The following PEX5L variants were observed in gnomAD, a reference collection of about 807,000 sequenced individuals.
PEX5L encodes peroxisomal biogenesis factor 5 like.
PEX5L carries 30 observed loss-of-function variants against 84.0 expected under a neutral mutation model. The ratio of observed to expected loss-of-function variants is 0.36; its 90% CI spans 0.27 to 0.48. The LOEUF is 0.48. Among genes scored for constraint, PEX5L ranks in the 20% least tolerant of loss-of-function variants. The pLI is 0.99. For synonymous variants in PEX5L, 270 were observed against 283.1 expected, an observed-to-expected ratio of 0.95 and a Z score of 0.46; for missense variants, 533 against 754.6, an observed-to-expected ratio of 0.71 and a Z score of 3.44.
chr3:180,007,859 G>C (rs892836940), intron 1 of PEX5L, among the ~76,000 whole-genome samples: 1 of 152,240 alleles, frequency 6.6e-6, no homozygotes, highest in African/African-American at 2.4e-5. Flanking sequence ...GGGACCCTGG[G>C]CCTGGCCCAT....
intron 2 of PEX5L, among the ~76,000 whole-genome samples, chr3:179,962,784 T>C (rs1468138252): frequency 6.6e-6 from 1 of 152,210 alleles, no homozygotes; most frequent in African/African-American, 2.4e-5. Flanking sequence ...TAATTTTAAG[T>C]ACTACTGTCT....
intron 1 of PEX5L, among the ~76,000 whole-genome samples, chr3:180,000,336 A>G (rs1418454810): frequency 1.3e-5 from 2 of 152,190 alleles, no homozygotes; most frequent in Non-Finnish European, 2.9e-5. Flanking sequence ...AATGGAGGTA[A>G]GGAAGAGTAT....
intron 7 of PEX5L, among the ~76,000 whole-genome samples, chr3:179,866,451 T>C (rs549390228): frequency 1.3e-5 from 2 of 152,332 alleles, no homozygotes; most frequent in South Asian, 4.1e-4. Context: ...ACTATTTTCA[T>C]CTGTAAAGCA....
Position 180,010,246 on chromosome 3 carries a change from C to CTTTTTTTTTTTTTTTTTTTTTTTTTTTT in PEX5L, c.21+26332_21+26333insAAAAAAAAAAAAAAAAAAAAAAAAAAAA, listed in dbSNP as rs1178375452. On this transcript the variant is annotated intron_variant, in intron 1 of 14. Coordinates refer to ENST00000467460, the MANE Select transcript of PEX5L (RefSeq NM_016559.3). ...AGGCGTGAGCCACTGCACCCGGCCT[C>CTTTTTTTTTTTTTTTTTTTTTTTTTTTT]TTTTTTTTTTTTTTTTTTTTCTGTA... Among the ~76,000 whole-genome samples, 7 of 105,178 alleles carry CTTTTTTTTTTTTTTTTTTTTTTTTTTTT rather than the reference C, an allele frequency of 6.7e-5. 1 individual carries two copies. Among genetic ancestry groups the CTTTTTTTTTTTTTTTTTTTTTTTTTTTT allele is most frequent in the African/African-American group, 8.7e-5 (2 of 23,070 alleles). The allele number at this position is 105,178 out of a possible 152,430, so 69.0% of individuals were successfully genotyped here.
At chr3:179,852,029 A>G (rs558469939) in intron 8 of PEX5L, among the ~76,000 whole-genome samples, 1 of 152,270 alleles carries the variant, frequency 6.6e-6, no homozygotes, top group East Asian at 1.9e-4. Context: ...GGGGACTGTG[A>G]GGAGTAGTTA....
chr3:179,924,531 G>C lies in PEX5L; in HGVS notation c.94-26285C>G, dbSNP rs1353585466. ...CTCACGGTAAGAAGAGAGACAAGCTGTCTTTTCTAAAAGTGAAATTTGATC... is the reference window on the plus strand; with the variant it reads ...CTCACGGTAAGAAGAGAGACAAGCTCTCTTTTCTAAAAGTGAAATTTGATC... On this transcript the variant is annotated intron_variant, in intron 2 of 14. Coordinates refer to ENST00000467460, the MANE Select transcript of PEX5L (RefSeq NM_016559.3). 9.9e-5 allele frequency among the ~76,000 whole-genome samples: 15 copies of C among 152,214 alleles called. 1 individual carries two copies. The highest frequency in any genetic ancestry group is 9.8e-4 in the Admixed American group (15 of 15,290).
chr3:179,865,930 C>G (rs1747967441), intron 7 of PEX5L, among the ~76,000 whole-genome samples: 1 of 152,134 alleles, frequency 6.6e-6, no homozygotes, highest in Admixed American at 6.6e-5. Context: ...CAAATGTACT[C>G]TAATGTAGGC....
At chr3:179,827,963 A>C (rs1454024220) in intron 8 of PEX5L, among the ~76,000 whole-genome samples, 1 of 152,142 alleles carries the variant, frequency 6.6e-6, no homozygotes, top group African/African-American at 2.4e-5. Flanking sequence ...AATCCTGCTA[A>C]ATCAGTCTAG....
At chr3:179,970,134 T>C (rs1455596234) in intron 2 of PEX5L, among the ~76,000 whole-genome samples, 1 of 152,090 alleles carries the variant, frequency 6.6e-6, no homozygotes. Flanking sequence ...GGTAGGAAGA[T>C]AGTAAATAAG....
At chr3:179,860,688 G>A (rs970548523) in intron 7 of PEX5L, among the ~76,000 whole-genome samples, 2 of 152,148 alleles carry the variant, frequency 1.3e-5, no homozygotes, top group East Asian at 1.9e-4. Context: ...ATTGTGACAC[G>A]ATAGTACTAC....
chr3:179,999,537 C>T (rs1788199307), intron 1 of PEX5L, among the ~76,000 whole-genome samples: 1 of 152,228 alleles, frequency 6.6e-6, no homozygotes, highest in African/African-American at 2.4e-5. Flanking sequence ...TGGCACCATT[C>T]CTCGGGGTGA....
In PEX5L at chr3:179,879,920, T is replaced by C. The variant is rs753736898; in HGVS notation, c.505+9A>G. Reference sequence around the variant, plus strand: ...GTTGAGCATCCATAGCCGCAAGCGATTGCCTTACCTAGATCTAAGGATGAA... The same window carrying C: ...GTTGAGCATCCATAGCCGCAAGCGACTGCCTTACCTAGATCTAAGGATGAA... On this transcript the variant is annotated intron_variant, in intron 5 of 14. Transcript: ENST00000467460. The C allele has an allele frequency of 1.4e-5, 21 of 1,544,148 alleles. 1 individual carries two copies. The South Asian group carries it at 2.1e-4, about 16-fold the overall frequency.
At chr3:179,906,851 G>A (rs2109120203) in intron 2 of PEX5L, among the ~76,000 whole-genome samples, 1 of 152,170 alleles carries the variant, frequency 6.6e-6, no homozygotes, top group Non-Finnish European at 1.5e-5. Context: ...ACAAATGGAG[G>A]GACATCTTAA....
chr3:179,866,206 C>T (rs770395318), intron 7 of PEX5L, among the ~76,000 whole-genome samples: 3 of 152,150 alleles, frequency 2.0e-5, no homozygotes, highest in East Asian at 3.8e-4. Flanking sequence ...AGCAAAACTC[C>T]GTTGGCTAAC....
At chr3:179,861,946 T>C (rs1164594717) in intron 7 of PEX5L, among the ~76,000 whole-genome samples, 1 of 152,226 alleles carries the variant, frequency 6.6e-6, no homozygotes, top group Non-Finnish European at 1.5e-5. Flanking sequence ...TTGTGTTAGT[T>C]TCTTATGGCT....
At chr3:179,927,924 A>G (rs1026132519) in intron 2 of PEX5L, among the ~76,000 whole-genome samples, 8 of 152,204 alleles carry the variant, frequency 5.3e-5, no homozygotes, top group Non-Finnish European at 1.0e-4. Context: ...AAAAATTATC[A>G]TTTCAATATG....
intron 2 of PEX5L, among the ~76,000 whole-genome samples, chr3:179,957,394 A>G (rs1388312795): frequency 2.0e-5 from 3 of 152,156 alleles, no homozygotes; most frequent in Non-Finnish European, 2.9e-5. Flanking sequence ...GGAGGATCAC[A>G]GAAGGAATCA....
chr3:179,887,107 G>A (rs756410741), intron 4 of PEX5L, among the ~76,000 whole-genome samples: 6 of 152,156 alleles, frequency 3.9e-5, no homozygotes, highest in African/African-American at 7.2e-5. Context: ...GACAGGCACC[G>A]AGCAGGGGAT....
At chr3:180,008,749 T>G (rs1449738577) in intron 1 of PEX5L, among the ~76,000 whole-genome samples, 1 of 152,126 alleles carries the variant, frequency 6.6e-6, no homozygotes, top group Admixed American at 6.5e-5. Flanking sequence ...TGAGACTTAT[T>G]CACTATCATG....
Sources: gnomAD v4.1 joint callset for allele counts (sites outside exome capture counted in the v4.1 genomes callset) on GRCh38, gnomAD v4.1.1 for gene constraint, MANE v1.5 for transcripts, NCBI Gene and HGNC (gene_info 2026-07-23, HGNC 2026-07-21) for gene names.